STAR: variants seen among roughly 807,000 people sequenced by gnomAD.
The protein encoded by STAR is steroidogenic acute regulatory protein.
A neutral mutation model predicts 32.3 loss-of-function variants in STAR; 32 were observed. The observed-to-expected ratio is 0.99, with a 90% CI of 0.75 to 1.33. The LOEUF is 1.33. Ranked by LOEUF, STAR falls within the 40% of genes most tolerant of loss-of-function variation. STAR has a pLI of 0.00. For synonymous variants in STAR, 134 were observed against 140.5 expected (o/e 0.95, Z 0.33); for missense variants, 375 against 379.0 (o/e 0.99, Z 0.09).
Position 38,144,297 on chromosome 8 carries a change from G to T in STAR, c.834C>A (p.His278Gln). 6.2e-7 allele frequency: 1 copy of T among 1,610,346 alleles called. No individual in the cohort carries two copies. The highest frequency in any genetic ancestry group is 8.5e-7 in the Non-Finnish European group (1 of 1,178,454). Residue 278 changes from histidine to glutamine, a missense_variant, in exon 7 of 7, where the codon CAC becomes CAA. By Grantham distance (24) the His-to-Gln change is conservative. Transcript: ENST00000276449. ...TTCAACACCTGGCTTCAGAGGCAGG[G>T]TGGGACTCCAGGCGCTTGCGCAGGT... is the stretch of plus-strand genomic sequence containing the variant. ...ANHLRKRLES[H>Q]PASEARC is the part of the protein sequence containing the mutation.
In STAR at chr8:38,144,090, C is replaced by G. The variant is rs1353598884; in HGVS notation, c.*183G>C. On this transcript the variant is annotated 3_prime_UTR_variant, in exon 7 of 7. Coordinates refer to ENST00000276449, the MANE Select transcript of STAR (RefSeq NM_000349.3). ...ACCTTTTAATCCAAGAGCCTCATCC[C>G]TGTTTTCTTGGTACTAAAAACTTTC... 3.0e-6 allele frequency: 2 copies of G among 657,894 alleles called. No homozygotes were observed. Among genetic ancestry groups the G allele is most frequent in the African/African-American group, 3.6e-5 (2 of 56,060 alleles). The allele number at this position is 657,894 out of a possible 1,614,324, so 40.8% of individuals were successfully genotyped here.
At chr8:38,145,515 T>C in intron 5 of STAR, 200 bp from the exon 6 acceptor site, 1 of 706,688 alleles carries the variant, frequency 1.4e-6, no homozygotes. Context: ...TGCTTGTAGC[T>C]GGAGCAGCCC....
chr8:38,147,631 T>G (rs1419550363), intron 3 of STAR, among the ~76,000 whole-genome samples: 2 of 152,232 alleles, frequency 1.3e-5, no homozygotes, highest in Admixed American at 1.3e-4. Context: ...GAACTTTGTG[T>G]AGTGGGCAGC....
intron 5 of STAR, 156 bp from the exon 6 acceptor site, chr8:38,145,471 G>A: frequency 1.1e-5 from 11 of 976,516 alleles, no homozygotes; most frequent in Non-Finnish European, 1.6e-5. Context: ...TTATTTGGCA[G>A]TTGGCACAGT....
chr8:38,148,031 G>A lies in STAR; in HGVS notation c.306+169C>T, dbSNP rs141681485. 2.6e-3 allele frequency among the ~76,000 whole-genome samples: 400 copies of A among 152,360 alleles called. 2 individuals carry two copies. The highest frequency in any genetic ancestry group is 9.2e-3 in the African/African-American group (383 of 41,578). ...CCAGGGTGTCTTTTATGGGGGAAGA[G>A]CATTATCTGAGGATATATTCTCGAG... On this transcript the variant is annotated intron_variant, in intron 3 of 6. Transcript: ENST00000276449.
At chr8:38,146,500 G>C in intron 3 of STAR, 53 bp from the exon 4 acceptor site, 1 of 1,591,354 alleles carries the variant, frequency 6.3e-7, no homozygotes, top group East Asian at 2.2e-5. Flanking sequence ...ATTCTTGGCC[G>C]GGCATGGTGG....
At chr8:38,145,845 A>G in intron 5 of STAR, 118 bp downstream of exon 5, 1 of 1,277,684 alleles carries the variant, frequency 7.8e-7, no homozygotes, top group Non-Finnish European at 1.1e-6. Context: ...TGTAGAAGGA[A>G]GCCATGGGTG....
intron 2 of STAR, 109 bp from the exon 3 acceptor site, chr8:38,148,436 A>G: frequency 6.4e-7 from 1 of 1,551,428 alleles, no homozygotes; most frequent in South Asian, 1.2e-5. Flanking sequence ...CCCGGACTAA[A>G]GCCATAGGGG....
chr8:38,145,700 C>G (rs1802556996), intron 5 of STAR: 1 of 585,736 alleles, frequency 1.7e-6, no homozygotes, highest in Non-Finnish European at 3.0e-6. Context: ...ACCAGGTGAA[C>G]CTCAGCCCTG....
At chr8:38,144,489 T>C in intron 6 of STAR, 103 bp from the exon 7 acceptor site, 1 of 1,529,316 alleles carries the variant, frequency 6.5e-7, no homozygotes. Context: ...GTCTTCGAGC[T>C]CTGTTAATAG....
Position 38,144,351 on chromosome 8 carries a change from C to G in STAR, c.780G>C (p.Leu260=). Reference sequence around the variant, plus strand: ...TGGCAAAATCCACCTGGGTCTGGGACAGGACCTGGTTGATGATGCTCTTGG... The same window carrying G: ...TGGCAAAATCCACCTGGGTCTGGGAGAGGACCTGGTTGATGATGCTCTTGG... ...WLPKSIINQV[L]SQTQVDFANH... The change falls in exon 7 of 7, where the codon CTG becomes CTC. Residue 260 remains leucine, a synonymous_variant. Coordinates refer to ENST00000276449, the MANE Select transcript of STAR (RefSeq NM_000349.3). 4 of 1,607,916 alleles carry G rather than the reference C, an allele frequency of 2.5e-6. No homozygotes were observed. The highest frequency in any genetic ancestry group is 2.5e-6 in the Non-Finnish European group (3 of 1,177,304).
At chr8:38,150,268 G>A (rs1563269300) in intron 1 of STAR, among the ~76,000 whole-genome samples, 1 of 152,042 alleles carries the variant, frequency 6.6e-6, no homozygotes. Context: ...TTGTGGTGGT[G>A]CACGCCTGTA....
chr8:38,146,273 C>T lies in STAR; in HGVS notation c.465+16G>A. ...CTCTCCTGGGCCCCTGCCACCTGCA[C>T]CTGGACTTTGCTCACCTTGATCTCC... On this transcript the variant is annotated intron_variant, in intron 4 of 6. Transcript: ENST00000276449. 6.2e-7 allele frequency: 1 copy of T among 1,614,106 alleles called. No individual in the cohort carries two copies. The highest frequency in any genetic ancestry group is 8.5e-7 in the Non-Finnish European group (1 of 1,180,044).
At chr8:38,144,956 C>CTGAGACCA (rs1802537936) in intron 6 of STAR, 1 of 1,251,072 alleles carries the variant, frequency 8.0e-7, no homozygotes. Context: ...TTACGGTGAG[C>CTGAGACCA]TGAGACCATG....
chr8:38,145,344 G>A lies in STAR; in HGVS notation c.651-29C>T, dbSNP rs368996058. ...GCAAATGGAGAAGTCAAGTCAGGAG[G>A]ACAGTTGCGAGTTCTCTCTTGCACT... On this transcript the variant is annotated intron_variant, in intron 5 of 6. Transcript: ENST00000276449. 140 of 1,613,708 alleles carry A rather than the reference G, an allele frequency of 8.7e-5. 1 individual carries two copies. In the Middle Eastern group the frequency reaches 2.5e-3, roughly 28 times the overall value.
Position 38,146,317 on chromosome 8 carries a change from T to TC in STAR, c.436dup (p.Glu146GlyfsTer38), listed in dbSNP as rs1802573442. 1.2e-6 allele frequency: 2 copies of TC among 1,613,850 alleles called. No homozygotes were observed. Among genetic ancestry groups the TC allele is most frequent in the African/African-American group, 2.7e-5 (2 of 74,842 alleles). The stretch of plus-strand genomic sequence containing the variant: ...GATCTCCTTGACATTGGGGTTCCAC[T>TC]CCCCCATTGCTTCCATGCGCTCCAC... On this transcript the variant is annotated frameshift_variant, in exon 4 of 7. Coordinates refer to ENST00000276449, the MANE Select transcript of STAR (RefSeq NM_000349.3). LOFTEE classifies it high-confidence loss of function.
At chr8:38,149,820 CAG>C (rs1802637174) in intron 1 of STAR, among the ~76,000 whole-genome samples, 1 of 152,166 alleles carries the variant, frequency 6.6e-6, no homozygotes, top group Admixed American at 6.5e-5. Flanking sequence ...GCCTAGGCAA[CAG>C]AGCGAGACTG....
intron 5 of STAR, 173 bp from the exon 6 acceptor site, chr8:38,145,488 C>T: frequency 2.3e-6 from 2 of 859,838 alleles, no homozygotes; most frequent in Non-Finnish European, 3.7e-6. Context: ...CAGTTACCAG[C>T]TCATCAGAAT....
chr8:38,146,119 A>T lies in STAR; in HGVS notation c.494T>A (p.Phe165Tyr). Residue 165 changes from phenylalanine to tyrosine, a missense_variant, in exon 5 of 7, where the codon TTC (phenylalanine) becomes TAC (tyrosine). Coordinates refer to ENST00000276449, the MANE Select transcript of STAR (RefSeq NM_000349.3). ...KVLQKIGKDT[F>Y]ITHELAAEAA... is the part of the protein sequence containing the mutation. ...CTCGGCAGCCAGCTCGTGAGTAATG[A>T]ATGTATCTTTTCCGATCTTCTGCAG... The T allele has an allele frequency of 3.1e-6, 5 of 1,614,028 alleles. No individual in the cohort carries two copies. Among genetic ancestry groups the T allele is most frequent in the Non-Finnish European group, 4.2e-6 (5 of 1,179,970 alleles).
Sources: allele counts gnomAD v4.1 joint callset (sites outside exome capture counted in the v4.1 genomes callset), GRCh38; gene constraint gnomAD v4.1.1; transcripts MANE v1.5; gene names NCBI Gene and HGNC (gene_info 2026-07-23, HGNC 2026-07-21).